TPO: variants seen among roughly 807,000 people sequenced by gnomAD.
TPO encodes thyroid microsomal antigen.
TPO carries 78 observed loss-of-function variants against 96.9 expected under a neutral mutation model. That is an observed-to-expected ratio of 0.81 (90% CI 0.67 to 0.97). The LOEUF is 0.97. Ranked by LOEUF, TPO falls within the 50% of genes least tolerant of loss-of-function variation. The pLI is 0.00. For missense variants in TPO, 1,252 were observed against 1,274.8 expected (o/e 0.98, Z 0.27); for synonymous variants, 547 against 538.0 (o/e 1.02, Z -0.23).
At chr2:1,510,996 T>TA (rs1674049251) in intron 14 of TPO, among the ~76,000 whole-genome samples, 2 of 152,232 alleles carry the variant, frequency 1.3e-5, no homozygotes, top group South Asian at 4.1e-4. Context: ...CAGGCATCGA[T>TA]ATAAAAGAAT....
intron 15 of TPO, among the ~76,000 whole-genome samples, chr2:1,528,664 C>A (rs1381328591): frequency 8.4e-5 from 12 of 143,542 alleles, no homozygotes; most frequent in Non-Finnish European, 3.0e-5. Flanking sequence ...ACATCCACCA[C>A]TGTGTGCAAC....
At chr2:1,443,339 C>A (rs190450909) in intron 5 of TPO, among the ~76,000 whole-genome samples, 2 of 149,966 alleles carry the variant, frequency 1.3e-5, no homozygotes, top group Admixed American at 6.6e-5. Context: ...GTCATTGCTG[C>A]AGAAGGTACC....
intron 15 of TPO, among the ~76,000 whole-genome samples, chr2:1,525,554 C>T (rs1250025799): frequency 1.8e-5 from 2 of 112,552 alleles, no homozygotes; most frequent in African/African-American, 3.5e-5. Flanking sequence ...TCCCAAAATC[C>T]CCCCACTGTG....
At chr2:1,463,136 G>A (rs1668599614) in intron 7 of TPO, among the ~76,000 whole-genome samples, 2 of 152,172 alleles carry the variant, frequency 1.3e-5, no homozygotes, top group South Asian at 4.1e-4. Context: ...GAGAACGTGG[G>A]AGAGGCCCCA....
At chr2:1,382,012 T>C (rs1661818010) in intron 1 of TPO, among the ~76,000 whole-genome samples, 1 of 152,138 alleles carries the variant, frequency 6.6e-6, no homozygotes, top group Non-Finnish European at 1.5e-5. Flanking sequence ...GGAGGAGTTT[T>C]TACCCCAATC....
intron 14 of TPO, among the ~76,000 whole-genome samples, chr2:1,504,669 G>A (rs1464326605): frequency 3.0e-4 from 45 of 152,168 alleles, no homozygotes; most frequent in Admixed American, 2.9e-3. Context: ...AACTTTTGAC[G>A]AATTTACTCC....
At chr2:1,403,255 T>C (rs1054116692) in intron 1 of TPO, among the ~76,000 whole-genome samples, 6 of 152,130 alleles carry the variant, frequency 3.9e-5, no homozygotes, top group African/African-American at 1.4e-4. Flanking sequence ...CAAGGCAATG[T>C]GAGAGCCAGC....
At chr2:1,520,740 C>A (rs1009685360) in intron 15 of TPO, among the ~76,000 whole-genome samples, 1 of 152,234 alleles carries the variant, frequency 6.6e-6, no homozygotes, top group Non-Finnish European at 1.5e-5. Context: ...TGAATTCTTT[C>A]TGTGCAAACT....
chr2:1,477,545 C>T lies in TPO; in HGVS notation c.1279C>T (p.His427Tyr). 6.5e-7 allele frequency: 1 copy of T among 1,536,108 alleles called. No homozygotes were observed. Among genetic ancestry groups the T allele is most frequent in the Non-Finnish European group, 8.7e-7 (1 of 1,146,458 alleles). Reference protein sequence around the residue: ...LAAALKALNAHWSADAVYQEA... With the variant: ...LAAALKALNAYWSADAVYQEA... ...CGCGGCGCTCAAGGCCCTCAATGCG[C>T]ACTGGAGCGCGGACGCCGTGTACCA... The change falls in exon 8 of 17, where the codon CAC becomes TAC. Residue 427 changes from histidine (H) to tyrosine (Y), a missense_variant. Transcript: ENST00000329066.
chr2:1,391,020 A>C (rs997503254), intron 1 of TPO, among the ~76,000 whole-genome samples: 1 of 152,026 alleles, frequency 6.6e-6, no homozygotes, highest in African/African-American at 2.4e-5. Flanking sequence ...GCTGTGCAGA[A>C]GCTCTTTAGT....
Position 1,453,762 on chromosome 2 carries a change from G to C in TPO, c.551G>C (p.Gly184Ala), listed in dbSNP as rs1484621876. The change falls in exon 6 of 17, where the codon GGC (glycine) becomes GCC (alanine). Residue 184 changes from glycine (G) to alanine (A), a missense_variant. Transcript: ENST00000329066. Reference protein sequence around the residue: ...ARWLPPVYEDGFSQPRGWNPG... With the variant: ...ARWLPPVYEDAFSQPRGWNPG... ...TGGCTCCCTCCAGTCTATGAGGACG[G>C]CTTCAGTCAGCCCCGAGGCTGGAAC... 6.2e-7 allele frequency: 1 copy of C among 1,613,902 alleles called. No individual in the cohort carries two copies. The highest frequency in any genetic ancestry group is 1.7e-5 in the Admixed American group (1 of 60,020).
intron 16 of TPO, 41 bp downstream of exon 16, chr2:1,540,764 G>C (rs142177528): frequency 6.2e-7 from 1 of 1,613,232 alleles, no homozygotes; most frequent in Admixed American, 1.7e-5. Context: ...TGCCACCGCA[G>C]TGGTTGGACA....
intron 15 of TPO, among the ~76,000 whole-genome samples, chr2:1,529,637 T>TCCC (rs1553337547): frequency 3.5e-4 from 37 of 104,808 alleles, no homozygotes; most frequent in East Asian, 9.7e-4. Flanking sequence ...CCTCCTCAAA[T>TCCC]CCCCGTACTG....
At chr2:1,516,726 G>A (rs1411421286) in intron 14 of TPO, among the ~76,000 whole-genome samples, 157 bp from the exon 15 acceptor site, 1 of 152,208 alleles carries the variant, frequency 6.6e-6, no homozygotes, top group African/African-American at 2.4e-5. Flanking sequence ...GGTCTAAATG[G>A]CTTTTCTGGG....
At position 1,531,364 on chromosome 2, in the gene TPO, T is replaced by TC. The variant is rs1361442912; in HGVS notation, c.2619-9228dup. 5.3e-4 allele frequency among the ~76,000 whole-genome samples: 34 copies of TC among 64,320 alleles called. 1 individual carries two copies. The highest frequency in any genetic ancestry group is 0.012 in the Middle Eastern group (1 of 86). The allele number at this position is 64,320 out of a possible 152,430, so 42.2% of individuals were successfully genotyped here. On this transcript the variant is annotated intron_variant, in intron 15 of 16. Transcript: ENST00000329066. The stretch of plus-strand genomic sequence containing the variant: ...TCCCACTGTGTGCAGCCTCCCCAAA[T>TC]CCTCCCGACTCTGTGCAACCTCCCA...
chr2:1,490,399 C>T (rs1419239262), intron 10 of TPO, among the ~76,000 whole-genome samples: 2 of 77,690 alleles, frequency 2.6e-5, no homozygotes, highest in African/African-American at 1.1e-4. Context: ...CACGACACAG[C>T]AGTGTAAGAG....
intron 7 of TPO, among the ~76,000 whole-genome samples, chr2:1,472,825 G>A (rs1161055605): frequency 1.1e-4 from 3 of 28,032 alleles, no homozygotes; most frequent in African/African-American, 5.1e-4. Context: ...CTTGTTTGGC[G>A]GCAAAAAAAA....
At chr2:1,501,236 C>A (rs1376422812) in intron 13 of TPO, among the ~76,000 whole-genome samples, 1 of 152,250 alleles carries the variant, frequency 6.6e-6, no homozygotes, top group Admixed American at 6.5e-5. Context: ...CAGCCATCTG[C>A]GCACTCACTG....
At chr2:1,424,429 T>A (rs1411037907) in intron 3 of TPO, among the ~76,000 whole-genome samples, 4 of 152,212 alleles carry the variant, frequency 2.6e-5, no homozygotes, top group African/African-American at 9.6e-5. Flanking sequence ...CATCGTGACC[T>A]GACCCAGCTT....
Sources: allele counts gnomAD v4.1 joint callset (sites outside exome capture counted in the v4.1 genomes callset), GRCh38; gene constraint gnomAD v4.1.1; transcripts MANE v1.5; gene names NCBI Gene and HGNC (gene_info 2026-07-23, HGNC 2026-07-21).